ANK3: variants seen among roughly 807,000 people sequenced by gnomAD.
ANK3 encodes ankyrin 3, also known as ankyrin-3.
A neutral mutation model predicts 370.9 loss-of-function variants in ANK3; 57 were observed. The observed-to-expected ratio is 0.15, with a 90% CI of 0.12 to 0.19. The LOEUF is 0.19. Among genes scored for constraint, ANK3 ranks in the 10% least tolerant of loss-of-function variants. The probability of loss-of-function intolerance (pLI) is 1.00; values close to 1 mark genes in which losing one functional copy is unlikely to be tolerated. For missense variants in ANK3, 4,439 were observed against 5,302.1 expected, an observed-to-expected ratio of 0.84 and a Z score of 5.06; for synonymous variants, 1,929 against 1,946.3, an observed-to-expected ratio of 0.99 and a Z score of 0.23.
chr10:60,401,891 A>T (rs919788501), intron 2 of ANK3, among the ~76,000 whole-genome samples: 13 of 152,190 alleles, frequency 8.5e-5, no homozygotes, highest in Non-Finnish European at 2.9e-5. Context: ...GAAAGGTGAA[A>T]TCAACCTGAC....
intron 2 of ANK3, among the ~76,000 whole-genome samples, chr10:60,421,076 T>G (rs1367041804): frequency 6.6e-6 from 1 of 152,008 alleles, no homozygotes; most frequent in African/African-American, 2.4e-5. Flanking sequence ...ACATGTTAAG[T>G]GAAAACACAC....
intron 8 of ANK3, among the ~76,000 whole-genome samples, chr10:60,216,340 C>T (rs1389015885): frequency 2.0e-5 from 3 of 152,054 alleles, no homozygotes; most frequent in African/African-American, 7.2e-5. Flanking sequence ...CTTGTTTGTA[C>T]CAGTTTTCAA....
chr10:60,079,593 G>A (rs1168017754), intron 36 of ANK3, among the ~76,000 whole-genome samples: 4 of 152,122 alleles, frequency 2.6e-5, no homozygotes, highest in African/African-American at 7.2e-5. Context: ...AAGAAACTGT[G>A]TCAGTGGGAA....
At chr10:60,466,063 C>CAT (rs2065005884) in intron 2 of ANK3, among the ~76,000 whole-genome samples, 1 of 152,074 alleles carries the variant, frequency 6.6e-6, no homozygotes, top group Admixed American at 6.6e-5. Flanking sequence ...CATGGTCCTG[C>CAT]CACTCACTCT....
chr10:60,223,079 C>A (rs1453232945), intron 8 of ANK3, among the ~76,000 whole-genome samples: 1 of 152,108 alleles, frequency 6.6e-6, no homozygotes, highest in Non-Finnish European at 1.5e-5. Context: ...TTTGGCTTTC[C>A]ATATGTTAGT....
intron 2 of ANK3, among the ~76,000 whole-genome samples, chr10:60,607,304 C>T (rs958739123): frequency 5.3e-5 from 8 of 152,058 alleles, no homozygotes; most frequent in Non-Finnish European, 1.2e-4. Context: ...AAGTGTCTAG[C>T]CCAGGGACAC....
At chr10:60,448,525 T>C (rs2064511448) in intron 2 of ANK3, among the ~76,000 whole-genome samples, 2 of 152,350 alleles carry the variant, frequency 1.3e-5, no homozygotes, top group African/African-American at 4.8e-5. Flanking sequence ...AGACAGTTAG[T>C]TGACCTATTT....
intron 2 of ANK3, among the ~76,000 whole-genome samples, chr10:60,521,312 T>C (rs997566927): frequency 6.6e-6 from 1 of 152,114 alleles, no homozygotes; most frequent in Admixed American, 6.6e-5. Context: ...TAGTACAGTT[T>C]TCCATCCTTT....
intron 4 of ANK3, among the ~76,000 whole-genome samples, chr10:60,275,292 T>C (rs777235518): frequency 7.9e-5 from 12 of 152,190 alleles, no homozygotes; most frequent in Admixed American, 6.5e-4. Context: ...TGAATGTTTA[T>C]AGTGGTGCTA....
intron 1 of ANK3, among the ~76,000 whole-genome samples, chr10:60,663,683 A>G (rs958010151): frequency 1.6e-4 from 25 of 152,336 alleles, no homozygotes; most frequent in African/African-American, 6.0e-4. Flanking sequence ...GAGAACTTAT[A>G]TGTAAAGGCA....
intron 1 of ANK3, among the ~76,000 whole-genome samples, chr10:60,694,429 C>T (rs1392880901): frequency 6.6e-6 from 1 of 152,012 alleles, no homozygotes; most frequent in Non-Finnish European, 1.5e-5. Context: ...AAGAGCAACT[C>T]CAAGACAAAT....
At chr10:60,039,929 C>G (rs558127019) in intron 43 of ANK3, among the ~76,000 whole-genome samples, 3 of 152,252 alleles carry the variant, frequency 2.0e-5, no homozygotes, top group African/African-American at 7.2e-5. Flanking sequence ...CTTAGCTATA[C>G]CAGTCATAAA....
chr10:60,679,430 G>A (rs917711854), intron 1 of ANK3, among the ~76,000 whole-genome samples: 2 of 152,138 alleles, frequency 1.3e-5, no homozygotes, highest in Non-Finnish European at 2.9e-5. Context: ...ACCTGAAGCT[G>A]GTGATTAGCA....
chr10:60,474,476 G>A (rs1306596607), intron 2 of ANK3, among the ~76,000 whole-genome samples: 2 of 152,178 alleles, frequency 1.3e-5, no homozygotes, highest in African/African-American at 4.8e-5. Flanking sequence ...GGGGGTCAGT[G>A]ATAGGAACAA....
intron 2 of ANK3, among the ~76,000 whole-genome samples, chr10:60,444,775 A>C (rs1479815675): frequency 6.6e-6 from 1 of 152,156 alleles, no homozygotes; most frequent in Non-Finnish European, 1.5e-5. Context: ...TACAGTTTTG[A>C]ATTGTGAATA....
At chr10:60,177,473 C>T (rs1190208438) in intron 18 of ANK3, among the ~76,000 whole-genome samples, 1 of 152,114 alleles carries the variant, frequency 6.6e-6, no homozygotes, top group Non-Finnish European at 1.5e-5. Flanking sequence ...TTTGTCTCTC[C>T]TTTATTCCCT....
At chr10:60,685,091 A>G (rs2079250064) in intron 1 of ANK3, 1 of 1,144,516 alleles carries the variant, frequency 8.7e-7, no homozygotes, top group Admixed American at 2.0e-5. Flanking sequence ...ATCAATACCT[A>G]TTATATCTGT....
intron 1 of ANK3, among the ~76,000 whole-genome samples, chr10:60,672,188 G>A (rs530233678): frequency 6.6e-6 from 1 of 152,316 alleles, no homozygotes; most frequent in Non-Finnish European, 1.5e-5. Flanking sequence ...GTAATTTCCT[G>A]AGCAGAGGTG....
chr10:60,430,727 C>T (rs1221956529), intron 2 of ANK3, among the ~76,000 whole-genome samples: 1 of 152,016 alleles, frequency 6.6e-6, no homozygotes, highest in Non-Finnish European at 1.5e-5. Flanking sequence ...ATCATGACTT[C>T]TTATTTCCTC....
Sources: gnomAD v4.1 joint callset for allele counts (sites outside exome capture counted in the v4.1 genomes callset) on GRCh38, gnomAD v4.1.1 for gene constraint, MANE v1.5 for transcripts, NCBI Gene and HGNC (gene_info 2026-07-23, HGNC 2026-07-21) for gene names.